The following ABCC6 variants were observed in gnomAD, a reference collection of about 807,000 sequenced individuals.
ABCC6 encodes the protein ATP-binding cassette sub-family C member 6.
A neutral mutation model predicts 169.5 loss-of-function variants in ABCC6; 126 were observed. That is an observed-to-expected ratio of 0.74 (90% CI 0.64 to 0.86). ABCC6 has a LOEUF of 0.86. ABCC6 is among the 40% of genes least tolerant of loss of function. The pLI is 0.00. For missense variants in ABCC6, 1,733 were observed against 1,927.2 expected (o/e 0.90, Z 1.89); for synonymous variants, 752 against 814.7 (o/e 0.92, Z 1.31).
intron 21 of ABCC6, chr16:16,173,049 A>T (rs1237191653): frequency 1.6e-6 from 1 of 616,758 alleles, no homozygotes; most frequent in Non-Finnish European, 2.8e-6. Context: ...CTCAAAATCA[A>T]AATAAAATAA....
At chr16:16,217,323 C>T (rs1006721255) in intron 4 of ABCC6, among the ~76,000 whole-genome samples, 2 of 152,164 alleles carry the variant, frequency 1.3e-5, no homozygotes, top group African/African-American at 4.8e-5. Flanking sequence ...CTGAGATGAA[C>T]TCGGGCTCTG....
At position 16,150,774 on chromosome 16, in the gene ABCC6, T is replaced by G. The variant is rs1555506740; in HGVS notation, c.4209-2A>C. 1.2e-6 allele frequency: 2 copies of G among 1,613,174 alleles called. No homozygotes were observed. The highest frequency in any genetic ancestry group is 1.7e-6 in the Non-Finnish European group (2 of 1,179,788). On this transcript the variant is annotated splice_acceptor_variant, in intron 29 of 30. Coordinates refer to ENST00000205557, the MANE Select transcript of ABCC6 (RefSeq NM_001171.6). LOFTEE classifies it high-confidence loss of function. ...CACAGGAGCTGTTTCTGGCCCACGCTGGGAACGATTGGGACAATTAGCTGG... is the reference window on the plus strand; with the variant it reads ...CACAGGAGCTGTTTCTGGCCCACGCGGGGAACGATTGGGACAATTAGCTGG...
chr16:16,211,693 T>C (rs180809437), intron 6 of ABCC6, among the ~76,000 whole-genome samples: 74 of 152,306 alleles, frequency 4.9e-4, no homozygotes, highest in African/African-American at 1.7e-3. Context: ...GAGCTGGCCC[T>C]GGAGAAGCAG....
intron 2 of ABCC6, 62 bp downstream of exon 2, chr16:16,221,587 C>T (rs770579364): frequency 1.1e-5 from 17 of 1,585,948 alleles, no homozygotes; most frequent in Middle Eastern, 3.3e-4. Flanking sequence ...CACCAGGTTC[C>T]AGCCTGTCCC....
rs556473668 is a variant in ABCC6, at chr16:16,173,180, A to G, written c.2787+104T>C. The G allele has an allele frequency of 1.2e-4, 181 of 1,537,534 alleles. 8 individuals carry two copies. The highest frequency in any genetic ancestry group is 7.2e-4 in the South Asian group (63 of 87,382). On this transcript the variant is annotated intron_variant, in intron 21 of 30. Coordinates refer to ENST00000205557, the MANE Select transcript of ABCC6 (RefSeq NM_001171.6). ...TGCTACTGGCACATAGTAGGTGCTC[A>G]AGAAAGGTGAGTATCACTGCCAAGT...
At chr16:16,214,236 G>GAATA (rs2048764225) in intron 5 of ABCC6, 88 bp downstream of exon 5, 1 of 1,545,562 alleles carries the variant, frequency 6.5e-7, no homozygotes, top group Non-Finnish European at 8.8e-7. Flanking sequence ...ATGGCTAAAT[G>GAATA]AATAAAAAAA....
intron 17 of ABCC6, chr16:16,182,033 T>C: frequency 2.9e-6 from 1 of 349,780 alleles, no homozygotes; most frequent in East Asian, 6.9e-5. Context: ...GATGCATATA[T>C]CCTGTTTCTT....
intron 22 of ABCC6, among the ~76,000 whole-genome samples, chr16:16,166,368 A>G (rs948922445): frequency 6.6e-6 from 1 of 151,552 alleles, no homozygotes; most frequent in Non-Finnish European, 1.5e-5. Flanking sequence ...TTCTTGATGT[A>G]ATGGGTTGAA....
At chr16:16,220,852 G>A (rs2049047151) in intron 2 of ABCC6, among the ~76,000 whole-genome samples, 1 of 150,716 alleles carries the variant, frequency 6.6e-6, no homozygotes, top group African/African-American at 2.4e-5. Context: ...AGCCGAGATC[G>A]CACCATTGCA....
Position 16,154,653 on chromosome 16 carries a change from A to G in ABCC6, c.4183T>C (p.Cys1395Arg). The change falls in exon 29 of 31, where the codon TGT (cysteine) becomes CGT (arginine). Residue 1395 changes from cysteine (C) to arginine (R), a missense_variant. This residue lies in a region of ABCC6 where 1,601 missense variants were observed against 1,635.5 expected (regional missense o/e 0.98). Coordinates refer to ENST00000205557, the MANE Select transcript of ABCC6 (RefSeq NM_001171.6). ...CTCAGGTCCTCGCCTCGGTCAGCAC[A>G]CTTGTACTGCAGCTGGCCGGGCAGG... ...ASLPGQLQYK[C>R]ADRGEDLSVG... 6.2e-7 allele frequency: 1 copy of G among 1,612,680 alleles called. No individual in the cohort carries two copies. The highest frequency in any genetic ancestry group is 8.5e-7 in the Non-Finnish European group (1 of 1,179,978).
In ABCC6 at chr16:16,177,564, C is replaced by T. The variant is rs138026855; in HGVS notation, c.2478G>A (p.Leu826=). The change falls in exon 19 of 31, where the codon CTG becomes CTA. Residue 826 remains leucine (L), a synonymous_variant. Transcript: ENST00000205557. The part of the protein sequence containing the change: ...ILPQADWIIV[L]ANGAIAEMGS... ...CCATCTCTGCGATGGCCCCATTTGCCAGCACTATGATCCAATCAGCCTGGG... is the reference window on the plus strand; with the variant it reads ...CCATCTCTGCGATGGCCCCATTTGCTAGCACTATGATCCAATCAGCCTGGG... 1 of 1,614,228 alleles carries T rather than the reference C, an allele frequency of 6.2e-7. No homozygotes were observed. Among genetic ancestry groups the T allele is most frequent in the Non-Finnish European group, 8.5e-7 (1 of 1,180,044 alleles).
intron 13 of ABCC6, 124 bp from the exon 14 acceptor site, chr16:16,187,335 G>A: frequency 1.3e-6 from 1 of 795,010 alleles, no homozygotes; most frequent in Non-Finnish European, 2.1e-6. Context: ...TAGGAGGCGT[G>A]AGGACAAAGC....
rs377653646 is a variant in ABCC6 at position 16,165,745 on chromosome 16, T to C, written c.3184A>G (p.Lys1062Glu). The C allele has an allele frequency of 5.6e-6, 9 of 1,613,620 alleles. No homozygotes were observed. The highest frequency in any genetic ancestry group is 8.5e-7 in the Non-Finnish European group (1 of 1,180,046). Residue 1062 changes from lysine to glutamate, a missense_variant, in exon 23 of 31, where the codon AAA (lysine) becomes GAA (glutamate). Around this residue, in one of 5 missense-constraint regions of ABCC6, gnomAD observed 1,601 missense variants for 1,635.5 expected, o/e 0.98. Coordinates refer to ENST00000205557, the MANE Select transcript of ABCC6 (RefSeq NM_001171.6). Reference sequence around the variant, plus strand: ...GCGTACATCAGCAGGGACCGGAGTTTGTCTGGAATGTCCACGTCAACCGTG... The same window carrying C: ...GCGTACATCAGCAGGGACCGGAGTTCGTCTGGAATGTCCACGTCAACCGTG... ...TDTVDVDIPDKLRSLLMYAFG... is the reference protein window; with the variant it reads ...TDTVDVDIPDELRSLLMYAFG...
Position 16,150,242 on chromosome 16 carries a change from C to T in ABCC6, c.4404-1G>A, listed in dbSNP as rs1235001154. 1.9e-6 allele frequency: 3 copies of T among 1,613,868 alleles called. No homozygotes were observed. The East Asian group carries it at 6.7e-5, about 36-fold the overall frequency. ...CTGCCCCTTGTCCATGACCAGAACC[C>T]TGTGGGGGAGAGGGAGACAGAGAGG... On this transcript the variant is annotated splice_acceptor_variant, in intron 30 of 30. Coordinates refer to ENST00000205557, the MANE Select transcript of ABCC6 (RefSeq NM_001171.6). LOFTEE classifies it high-confidence loss of function.
At chr16:16,205,817 A>G (rs4781748) in intron 7 of ABCC6, among the ~76,000 whole-genome samples, 39 of 152,220 alleles carry the variant, frequency 2.6e-4, no homozygotes, top group East Asian at 9.6e-4. Context: ...TGCACACAGT[A>G]GGAGCTCAAT....
intron 9 of ABCC6, among the ~76,000 whole-genome samples, chr16:16,198,730 A>C (rs2048137794): frequency 1.3e-5 from 2 of 150,180 alleles, no homozygotes. Context: ...GCGGTGCCTC[A>C]CGTCTATAAT....
At position 16,165,660 on chromosome 16, in the gene ABCC6, G is replaced by GC; in HGVS notation, c.3268dup (p.Ala1090GlyfsTer19). On this transcript the variant is annotated frameshift_variant, in exon 23 of 31. Transcript: ENST00000205557. LOFTEE classifies it high-confidence loss of function. ...GTAGAGGAGAAACAGTGGCAGGATG[G>GC]CCACAGTGGCCAGTGGGGTAGCCAC... is the stretch of plus-strand genomic sequence containing the variant. 1.9e-6 allele frequency: 3 copies of GC among 1,612,420 alleles called. No homozygotes were observed. The highest frequency in any genetic ancestry group is 2.5e-6 in the Non-Finnish European group (3 of 1,179,936).
At chr16:16,185,655 GGC>G (rs2047634378) in intron 14 of ABCC6, among the ~76,000 whole-genome samples, 1 of 152,084 alleles carries the variant, frequency 6.6e-6, no homozygotes. Context: ...CGTGGTGGTG[GGC>G]GCCTGTAATC....
At chr16:16,214,617 T>C (rs2048782576) in intron 4 of ABCC6, among the ~76,000 whole-genome samples, 168 bp from the exon 5 acceptor site, 1 of 152,144 alleles carries the variant, frequency 6.6e-6, no homozygotes, top group South Asian at 2.1e-4. Context: ...TCTTTCTTTT[T>C]TTTTTAAGAC....
Sources: gnomAD v4.1 joint callset for allele counts (sites outside exome capture counted in the v4.1 genomes callset) on GRCh38, gnomAD v4.1.1 for gene constraint, gnomAD v4.1.1 regional missense constraint, MANE v1.5 for transcripts, NCBI Gene and HGNC (gene_info 2026-07-23, HGNC 2026-07-21) for gene names.